PHYH: variants seen among roughly 807,000 people sequenced by gnomAD.
The protein encoded by PHYH is phytanoyl-CoA dioxygenase, peroxisomal.
PHYH carries 32 observed loss-of-function variants against 38.5 expected under a neutral mutation model. That is an observed-to-expected ratio of 0.83 (90% CI 0.63 to 1.12). The LOEUF is 1.12. Among genes scored for constraint, PHYH ranks in the 50% most tolerant of loss-of-function variants. The pLI, the probability that PHYH is intolerant of heterozygous loss-of-function variation, is 0.00. For synonymous variants in PHYH, 166 were observed against 157.9 expected (o/e 1.05, Z -0.38); for missense variants, 426 against 434.8 (o/e 0.98, Z 0.18).
chr10:13,298,561 C>A (rs1463166005), intron 1 of PHYH, among the ~76,000 whole-genome samples: 1 of 151,882 alleles, frequency 6.6e-6, no homozygotes, highest in Non-Finnish European at 1.5e-5. Flanking sequence ...ATTAGCCAGG[C>A]GTGGTGGCGT....
chr10:13,294,332 A>C, intron 4 of PHYH, 96 bp downstream of exon 4: 2 of 1,102,616 alleles, frequency 1.8e-6, no homozygotes, highest in Non-Finnish European at 2.8e-6. Flanking sequence ...CTCGGATTAC[A>C]GGAGTGAGCC....
rs552414870 is a variant in PHYH at position 13,280,046 on chromosome 10, G to A, written c.963+930C>T. 9.5e-4 allele frequency among the ~76,000 whole-genome samples: 144 copies of A among 151,478 alleles called. 1 individual carries two copies. The highest frequency in any genetic ancestry group is 1.6e-3 in the Non-Finnish European group (108 of 67,822). On this transcript the variant is annotated intron_variant, in intron 8 of 8. Transcript: ENST00000263038. ...TGCAGTGGCATGATCTCGGCTCACT[G>A]CAAGCTCCGCCTCCTGGGTTCACAC... is the stretch of plus-strand genomic sequence containing the variant.
rs1835472559 is a variant in PHYH at position 13,283,698 on chromosome 10, A to G, written c.820T>C (p.Phe274Leu). Residue 274 changes from phenylalanine (F) to leucine (L), a missense_variant, in exon 7 of 9, where the codon TTC becomes CTC. Coordinates refer to ENST00000263038, the MANE Select transcript of PHYH (RefSeq NM_006214.4). ...HGSGQNKTQG[F>L]RKAISCHFAS... ...GCAATGTGAATGCTTACCTTCCGGAATCCCTGGGTTTTATTCTGACCAGAT... is the reference window on the plus strand; with the variant it reads ...GCAATGTGAATGCTTACCTTCCGGAGTCCCTGGGTTTTATTCTGACCAGAT... 4 of 1,614,142 alleles carry G rather than the reference A, an allele frequency of 2.5e-6. No homozygotes were observed. Among genetic ancestry groups the G allele is most frequent in the Non-Finnish European group, 2.5e-6 (3 of 1,180,018 alleles).
In PHYH at chr10:13,294,883, G is replaced by A. The variant is rs535716312; in HGVS notation, c.246-287C>T. On this transcript the variant is annotated intron_variant, in intron 3 of 8. Coordinates refer to ENST00000263038, the MANE Select transcript of PHYH (RefSeq NM_006214.4). Reference sequence around the variant, plus strand: ...CAAACATTTCTGTAACACTTACCATGTGCCCAGCTCTCTTCAAAGTGGTTT... The same window carrying A: ...CAAACATTTCTGTAACACTTACCATATGCCCAGCTCTCTTCAAAGTGGTTT... The A allele has an allele frequency of 1.4e-4, 62 of 440,194 alleles. 1 individual carries two copies. The highest frequency in any genetic ancestry group is 1.3e-3 in the South Asian group (59 of 47,176). 27.3% of individuals were successfully genotyped at this position (440,194 alleles called of 1,614,324 possible). A position where few individuals can be genotyped will look rare whatever the true frequency, so the allele number is the denominator to read the frequency against.
intron 1 of PHYH, 92 bp from the exon 2 acceptor site, chr10:13,298,337 CAGG>C (rs1309861572): frequency 7.7e-6 from 6 of 779,036 alleles, no homozygotes; most frequent in Non-Finnish European, 1.4e-5. Flanking sequence ...GAGGCTGAGG[CAGG>C]AGGATTACTT....
Position 13,283,949 on chromosome 10 carries a change from T to C in PHYH, c.679-110A>G, listed in dbSNP as rs1835482302. ...ATCAGGGAAAGAAAGCATTTCTCTC[T>C]CCCAAGAGAAATAAATGTCTAAATT... On this transcript the variant is annotated intron_variant, in intron 6 of 8. Transcript: ENST00000263038. 7.6e-6 allele frequency: 7 copies of C among 924,444 alleles called. No homozygotes were observed. The South Asian group carries it at 7.9e-5, about 10-fold the overall frequency. 57.3% of individuals were successfully genotyped at this position (924,444 alleles called of 1,614,324 possible). A position where few individuals can be genotyped will look rare whatever the true frequency, so the allele number is the denominator to read the frequency against.
intron 8 of PHYH, among the ~76,000 whole-genome samples, chr10:13,278,941 C>G (rs1382716832): frequency 1.3e-5 from 2 of 152,178 alleles, no homozygotes; most frequent in African/African-American, 4.8e-5. Context: ...TGCCAGCTAA[C>G]ATAACTGGGT....
intron 2 of PHYH, among the ~76,000 whole-genome samples, chr10:13,296,772 C>T (rs1047713074): frequency 2.8e-4 from 43 of 151,082 alleles, no homozygotes; most frequent in East Asian, 2.0e-3. Context: ...CTGGCTAACA[C>T]GGTGAAACCC....
intron 1 of PHYH, among the ~76,000 whole-genome samples, chr10:13,298,926 AATAAT>A (rs1564431123): frequency 0.018 from 176 of 9,530 alleles, 2 homozygotes; most frequent in African/African-American, 0.045. Context: ...TCTCAAAAAT[AATAAT>A]AATAATAATA....
chr10:13,294,047 C>G (rs2992491), intron 4 of PHYH, among the ~76,000 whole-genome samples: 105,884 of 151,542 alleles, frequency 0.7, 37,925 homozygotes, highest in East Asian at 0.89. Flanking sequence ...ACTAAAAATA[C>G]AAAAATTAGC....
At chr10:13,287,530 C>T (rs1319647007) in intron 6 of PHYH, among the ~76,000 whole-genome samples, 1 of 152,138 alleles carries the variant, frequency 6.6e-6, no homozygotes, top group Non-Finnish European at 1.5e-5. Context: ...ACCCCCAGCG[C>T]CCAGCCCATC....
At chr10:13,283,622 A>G in intron 7 of PHYH, 68 bp downstream of exon 7, 5 of 1,454,926 alleles carry the variant, frequency 3.4e-6, no homozygotes, top group Admixed American at 3.3e-5. Context: ...TTTGAATTCA[A>G]TGAATTGAAT....
At chr10:13,283,017 C>T (rs1286861966) in intron 7 of PHYH, among the ~76,000 whole-genome samples, 5 of 151,782 alleles carry the variant, frequency 3.3e-5, no homozygotes, top group African/African-American at 9.7e-5. Context: ...AGTGGGGTCT[C>T]GCCATGTTGC....
chr10:13,298,318 G>T, intron 1 of PHYH, 73 bp from the exon 2 acceptor site: 1 of 917,332 alleles, frequency 1.1e-6, no homozygotes, highest in Non-Finnish European at 1.8e-6. Context: ...TGTAATTCCA[G>T]CACTTTGGGA....
At chr10:13,294,757 G>C (rs1387656050) in intron 3 of PHYH, 161 bp from the exon 4 acceptor site, 3 of 668,222 alleles carry the variant, frequency 4.5e-6, no homozygotes, top group Non-Finnish European at 8.1e-6. Flanking sequence ...AGGAGAAACT[G>C]TCTGGCTAGA....
chr10:13,291,785 A>T, intron 5 of PHYH, 46 bp downstream of exon 5: 1 of 1,308,240 alleles, frequency 7.6e-7, no homozygotes, highest in Non-Finnish European at 1.1e-6. Context: ...AGCCAACCTT[A>T]CACATTTTAA....
chr10:13,296,151 G>C (rs1835843662), intron 2 of PHYH, among the ~76,000 whole-genome samples: 1 of 152,136 alleles, frequency 6.6e-6, no homozygotes, highest in Admixed American at 6.6e-5. Flanking sequence ...CTGGGCGACA[G>C]AGCCAGACTC....
intron 5 of PHYH, among the ~76,000 whole-genome samples, 190 bp from the exon 6 acceptor site, chr10:13,288,731 CAACAA>C (rs563842973): frequency 2.6e-5 from 4 of 151,698 alleles, no homozygotes; most frequent in African/African-American, 4.8e-5. Context: ...GAAAACAAAA[CAACAA>C]AACAAAACAA....
At chr10:13,288,243 C>A in intron 6 of PHYH, 117 bp downstream of exon 6, 1 of 915,964 alleles carries the variant, frequency 1.1e-6, no homozygotes, top group Non-Finnish European at 1.8e-6. Flanking sequence ...AATCTTAGGA[C>A]AATGTTTTGC....
Sources: allele counts gnomAD v4.1 joint callset (sites outside exome capture counted in the v4.1 genomes callset), GRCh38; gene constraint gnomAD v4.1.1; transcripts MANE v1.5; gene names NCBI Gene and HGNC (gene_info 2026-07-23, HGNC 2026-07-21).